Variants in PAWR observed in about 807,000 individuals in gnomAD.
PAWR encodes the protein PRKC apoptosis WT1 regulator protein.
A neutral mutation model predicts 32.0 loss-of-function variants in PAWR; 23 were observed. The ratio of observed to expected loss-of-function variants is 0.72; its 90% CI spans 0.52 to 1.02. The LOEUF (loss-of-function observed/expected upper bound fraction) is 1.02. Among genes scored for constraint, PAWR ranks in the 50% least tolerant of loss-of-function variants. The pLI, the probability that PAWR is intolerant of heterozygous loss-of-function variation, is 0.00. For synonymous variants in PAWR, 226 were observed against 187.1 expected (o/e 1.21, Z -1.70); for missense variants, 457 against 437.7 (o/e 1.04, Z -0.39).
At chr12:79,652,916 T>C (rs1340711819) in intron 2 of PAWR, among the ~76,000 whole-genome samples, 1 of 152,246 alleles carries the variant, frequency 6.6e-6, no homozygotes, top group East Asian at 1.9e-4. Context: ...GTTTTCTACG[T>C]ATTTATGGTC....
chr12:79,637,569 A>G (rs1876022147), intron 2 of PAWR, among the ~76,000 whole-genome samples: 1 of 151,522 alleles, frequency 6.6e-6, no homozygotes, highest in African/African-American at 2.4e-5. Context: ...ATAAATTGAA[A>G]TAAGGTCAAA....
intron 2 of PAWR, among the ~76,000 whole-genome samples, chr12:79,629,273 C>G (rs1386585728): frequency 1.3e-5 from 2 of 151,858 alleles, no homozygotes; most frequent in East Asian, 1.9e-4. Flanking sequence ...TAGAATGACA[C>G]AAATAGGTTC....
intron 3 of PAWR, among the ~76,000 whole-genome samples, chr12:79,617,242 C>T (rs1239142380): frequency 2.0e-5 from 3 of 152,130 alleles, no homozygotes; most frequent in Admixed American, 2.0e-4. Context: ...ATCCCAGCTA[C>T]TTGGGAGGCT....
rs979166463 is a variant in PAWR, at chr12:79,664,793, A to AT, written c.516+24935dup. ...CGGATATGCGTCATCATGTCTGGCT[A>AT]TTTTTTTTTTTTAAAGTTCCAAGGC... On this transcript the variant is annotated intron_variant, in intron 2 of 6. Transcript: ENST00000328827. Among the ~76,000 whole-genome samples, 476 of 144,994 alleles carry AT rather than the reference A, an allele frequency of 3.3e-3. 2 individuals carry two copies. The highest frequency in any genetic ancestry group is 0.011 in the African/African-American group (422 of 39,682).
intron 2 of PAWR, among the ~76,000 whole-genome samples, chr12:79,678,913 T>C (rs567019408): frequency 6.3e-4 from 93 of 146,890 alleles, no homozygotes; most frequent in African/African-American, 2.2e-3. Flanking sequence ...AGGATGGTGG[T>C]TAGAGACAAG....
chr12:79,628,707 T>C (rs1244057908), intron 2 of PAWR, among the ~76,000 whole-genome samples: 3 of 152,054 alleles, frequency 2.0e-5, no homozygotes, highest in Non-Finnish European at 2.9e-5. Context: ...CTCAAAGGAA[T>C]GAAGAACATC....
intron 3 of PAWR, among the ~76,000 whole-genome samples, chr12:79,614,882 C>G (rs1874651297): frequency 6.6e-6 from 1 of 152,182 alleles, no homozygotes; most frequent in African/African-American, 2.4e-5. Flanking sequence ...TCCAACCAGA[C>G]AGGCTACTCC....
intron 3 of PAWR, among the ~76,000 whole-genome samples, chr12:79,618,888 T>C (rs1202189901): frequency 1.3e-5 from 2 of 151,968 alleles, no homozygotes; most frequent in African/African-American, 4.8e-5. Context: ...TAATAATTAC[T>C]ACTCCATACT....
chr12:79,632,328 T>TATATATATATATAC (rs1875704779), intron 2 of PAWR, among the ~76,000 whole-genome samples: 1 of 34,266 alleles, frequency 2.9e-5, no homozygotes, highest in African/African-American at 3.9e-4. Flanking sequence ...TATATATATA[T>TATATATATATATAC]ATATATATAT....
At chr12:79,676,142 A>G (rs1009727842) in intron 2 of PAWR, among the ~76,000 whole-genome samples, 5 of 152,158 alleles carry the variant, frequency 3.3e-5, no homozygotes, top group African/African-American at 1.2e-4. Flanking sequence ...AGAAATAATA[A>G]TAATAATAGC....
At chr12:79,654,903 A>G (rs1877023517) in intron 2 of PAWR, among the ~76,000 whole-genome samples, 1 of 152,168 alleles carries the variant, frequency 6.6e-6, no homozygotes, top group Non-Finnish European at 1.5e-5. Context: ...GAGCCAAACC[A>G]TATCACCACC....
At position 79,689,890 on chromosome 12, in the gene PAWR, C is replaced by G. The variant is rs771385536; in HGVS notation, c.355G>C (p.Ala119Pro). 1 of 1,529,994 alleles carries G rather than the reference C, an allele frequency of 6.5e-7. No homozygotes were observed. Among genetic ancestry groups the G allele is most frequent in the African/African-American group, 1.4e-5 (1 of 70,606 alleles). 94.8% of individuals were successfully genotyped at this position (1,529,994 alleles called of 1,614,324 possible). A position where few individuals can be genotyped will look rare whatever the true frequency, so the allele number is the denominator to read the frequency against. The part of the protein sequence containing the change: ...EDEPPAASAS[A>P]APPPQRDEEE... ...TCGTCACGCTGGGGCGGCGGTGCAG[C>G]CGAGGCAGAGGCGGCTGGGGGCTCG... Residue 119 changes from alanine to proline, a missense_variant, in exon 2 of 7, where the codon GCT becomes CCT. Coordinates refer to ENST00000328827, the MANE Select transcript of PAWR (RefSeq NM_002583.4).
intron 2 of PAWR, among the ~76,000 whole-genome samples, chr12:79,656,009 G>C (rs1565692820): frequency 6.6e-6 from 1 of 152,218 alleles, no homozygotes; most frequent in Non-Finnish European, 1.5e-5. Flanking sequence ...ATGTGGGATA[G>C]AACTCCTTCA....
intron 2 of PAWR, among the ~76,000 whole-genome samples, chr12:79,671,695 C>T (rs568476443): frequency 1.3e-4 from 20 of 151,750 alleles, no homozygotes; most frequent in Admixed American, 1.3e-3. Context: ...TAAGCTTATA[C>T]ATGTAATGAA....
rs1483648790 is a variant in PAWR at position 79,642,614 on chromosome 12, T to A, written c.517-21407A>T. On this transcript the variant is annotated intron_variant, in intron 2 of 6. Coordinates refer to ENST00000328827, the MANE Select transcript of PAWR (RefSeq NM_002583.4). ...ATCCTTGGTCTCTCTCTCCCCCTCCTAGTAAGAACACCAGTCATACTGGCT... is the reference window on the plus strand; with the variant it reads ...ATCCTTGGTCTCTCTCTCCCCCTCCAAGTAAGAACACCAGTCATACTGGCT... Among the ~76,000 whole-genome samples the A allele has an allele frequency of 2.0e-5, 3 of 152,104 alleles. No individual in the cohort carries two copies. The South Asian group carries it at 6.2e-4, about 32-fold the overall frequency.
intron 2 of PAWR, among the ~76,000 whole-genome samples, chr12:79,642,833 T>C (rs1876394764): frequency 6.6e-6 from 1 of 152,200 alleles, no homozygotes; most frequent in South Asian, 2.1e-4. Flanking sequence ...GAACCTGGAA[T>C]GCAAAACATC....
At chr12:79,620,161 T>TA (rs1874933852) in intron 3 of PAWR, among the ~76,000 whole-genome samples, 1 of 152,226 alleles carries the variant, frequency 6.6e-6, no homozygotes, top group Non-Finnish European at 1.5e-5. Context: ...TATAATTTAG[T>TA]ATGATATATT....
At chr12:79,639,153 T>G (rs758054336) in intron 2 of PAWR, among the ~76,000 whole-genome samples, 3 of 151,096 alleles carry the variant, frequency 2.0e-5, no homozygotes, top group Non-Finnish European at 4.4e-5. Flanking sequence ...CCCCGTGATC[T>G]GCCCGCCTCA....
chr12:79,620,588 T>TAA (rs1566005264), intron 3 of PAWR, among the ~76,000 whole-genome samples: 6 of 152,030 alleles, frequency 3.9e-5, no homozygotes, highest in Non-Finnish European at 8.8e-5. Flanking sequence ...GAGTCCCAAG[T>TAA]AGAATGTGAA....
Sources: gnomAD v4.1 joint callset for allele counts (sites outside exome capture counted in the v4.1 genomes callset) on GRCh38, gnomAD v4.1.1 for gene constraint, MANE v1.5 for transcripts, NCBI Gene and HGNC (gene_info 2026-07-23, HGNC 2026-07-21) for gene names.